Variants in PKP4 observed in about 807,000 individuals in gnomAD.
PKP4 encodes the protein plakophilin 4.
A neutral mutation model predicts 145.1 loss-of-function variants in PKP4; 90 were observed. The observed-to-expected ratio is 0.62, with a 90% CI of 0.52 to 0.74. The LOEUF (loss-of-function observed/expected upper bound fraction) is 0.74. Among genes scored for constraint, PKP4 ranks in the 30% least tolerant of loss-of-function variants. PKP4 has a pLI of 0.00. For synonymous variants in PKP4, 563 were observed against 577.2 expected (o/e 0.98, Z 0.35); for missense variants, 1,340 against 1,482.7 (o/e 0.90, Z 1.58).
chr2:158,626,202 G>A (rs987402704), intron 7 of PKP4, among the ~76,000 whole-genome samples: 1 of 152,194 alleles, frequency 6.6e-6, no homozygotes, highest in African/African-American at 2.4e-5. Flanking sequence ...CATCACAGTT[G>A]ATGTGGCTTT....
chr2:158,550,167 AAAAATGTT>A (rs2045492169), intron 2 of PKP4, among the ~76,000 whole-genome samples: 1 of 152,250 alleles, frequency 6.6e-6, no homozygotes, highest in Non-Finnish European at 1.5e-5. Flanking sequence ...ATTAATGTGG[AAAAATGTT>A]GCTTCAAACA....
intron 2 of PKP4, among the ~76,000 whole-genome samples, chr2:158,546,149 A>G (rs959801286): frequency 1.3e-5 from 2 of 152,204 alleles, no homozygotes; most frequent in Non-Finnish European, 2.9e-5. Flanking sequence ...TAGTTAAGTA[A>G]AGAATTTTAG....
chr2:158,647,172 A>G (rs1479115080), intron 11 of PKP4, among the ~76,000 whole-genome samples: 3 of 152,160 alleles, frequency 2.0e-5, no homozygotes, highest in Admixed American at 1.3e-4. Context: ...TTAGCCTTAG[A>G]TTTTAGTGTT....
intron 3 of PKP4, among the ~76,000 whole-genome samples, chr2:158,601,519 C>T (rs1006183152): frequency 5.9e-5 from 9 of 152,152 alleles, no homozygotes; most frequent in African/African-American, 2.2e-4. Context: ...ACAGTGATGG[C>T]CTACCCTTAG....
chr2:158,610,657 TC>T (rs1160964553), intron 4 of PKP4, among the ~76,000 whole-genome samples: 4 of 152,018 alleles, frequency 2.6e-5, no homozygotes, highest in African/African-American at 4.8e-5. Context: ...GTTACTTAGG[TC>T]CCCCAGTCAC....
At chr2:158,590,723 T>C (rs146368451) in intron 3 of PKP4, among the ~76,000 whole-genome samples, 76 of 152,294 alleles carry the variant, frequency 5.0e-4, no homozygotes, top group African/African-American at 1.7e-3. Flanking sequence ...TGAAGTAGTT[T>C]AATCAGAATA....
At chr2:158,624,372 A>G (rs375149960) in intron 6 of PKP4, among the ~76,000 whole-genome samples, 17 of 152,242 alleles carry the variant, frequency 1.1e-4, no homozygotes, top group African/African-American at 4.1e-4. Flanking sequence ...CCAACCCATA[A>G]AGAAAAACAA....
At chr2:158,655,853 G>A (rs1331208214) in intron 11 of PKP4, among the ~76,000 whole-genome samples, 4 of 152,230 alleles carry the variant, frequency 2.6e-5, no homozygotes, top group Non-Finnish European at 5.9e-5. Context: ...TCAGGGCCCA[G>A]CGTGACTATG....
rs908779153 is a variant in PKP4, at chr2:158,525,991, A to G, written c.-5-7189A>G. ...AGGAGCTGAAATTGTGGCAATAATC[A>G]ATAGTTTACCAACCAAAAAGAGTCC... On this transcript the variant is annotated intron_variant, in intron 1 of 21. Coordinates refer to ENST00000389759, the MANE Select transcript of PKP4 (RefSeq NM_003628.6). Among the ~76,000 whole-genome samples, 383 of 151,408 alleles carry G rather than the reference A, an allele frequency of 2.5e-3. 1 individual carries two copies. The highest frequency in any genetic ancestry group is 9.0e-3 in the African/African-American group (373 of 41,280).
At chr2:158,481,939 T>C (rs1693418721) in intron 1 of PKP4, among the ~76,000 whole-genome samples, 1 of 152,236 alleles carries the variant, frequency 6.6e-6, no homozygotes. Context: ...AACTTTAGTG[T>C]CTGATTTTAA....
At chr2:158,674,113 C>A in intron 19 of PKP4, 113 bp downstream of exon 19, 1 of 760,894 alleles carries the variant, frequency 1.3e-6, no homozygotes, top group South Asian at 1.4e-5. Flanking sequence ...CAACACTACC[C>A]ATGCAGCAGA....
intron 4 of PKP4, among the ~76,000 whole-genome samples, chr2:158,619,721 G>A (rs1170090080): frequency 6.6e-6 from 1 of 152,134 alleles, no homozygotes; most frequent in Non-Finnish European, 1.5e-5. Flanking sequence ...AATATTTACT[G>A]AGCACCTACT....
At chr2:158,554,549 CCGAG>C (rs2045923168) in intron 2 of PKP4, among the ~76,000 whole-genome samples, 1 of 151,844 alleles carries the variant, frequency 6.6e-6, no homozygotes, top group Admixed American at 6.6e-5. Flanking sequence ...TCTCAGCCTC[CCGAG>C]TAGCTGGGAC....
At chr2:158,666,617 T>C in intron 16 of PKP4, 54 bp downstream of exon 16, 1 of 1,447,704 alleles carries the variant, frequency 6.9e-7, no homozygotes, top group Admixed American at 2.2e-5. Flanking sequence ...ACAAAATTCA[T>C]GAAACTCTTC....
intron 6 of PKP4, among the ~76,000 whole-genome samples, chr2:158,624,335 A>G (rs1311849218): frequency 6.6e-6 from 1 of 152,256 alleles, no homozygotes; most frequent in Non-Finnish European, 1.5e-5. Flanking sequence ...TCCACAATGA[A>G]AGAACATGTT....
intron 2 of PKP4, among the ~76,000 whole-genome samples, chr2:158,551,745 A>G (rs2045643754): frequency 6.6e-6 from 1 of 152,244 alleles, no homozygotes; most frequent in South Asian, 2.1e-4. Flanking sequence ...TTATGTTTAA[A>G]AGTTAATTAT....
intron 2 of PKP4, among the ~76,000 whole-genome samples, chr2:158,555,586 A>G (rs944625635): frequency 6.6e-6 from 1 of 152,224 alleles, no homozygotes. Flanking sequence ...AACACAATTT[A>G]TACCCAAGTG....
At chr2:158,662,744 C>G in intron 13 of PKP4, 153 bp from the exon 14 acceptor site, 1 of 600,244 alleles carries the variant, frequency 1.7e-6, no homozygotes, top group Non-Finnish European at 2.8e-6. Context: ...ACTCTAGAAT[C>G]ATAATTCTCT....
intron 2 of PKP4, among the ~76,000 whole-genome samples, chr2:158,546,766 G>C (rs977081272): frequency 1.3e-5 from 2 of 152,174 alleles, no homozygotes; most frequent in South Asian, 2.1e-4. Flanking sequence ...TACGAAACCA[G>C]GCCTGGTGCA....
Sources: gnomAD v4.1 joint callset for allele counts (sites outside exome capture counted in the v4.1 genomes callset) on GRCh38, gnomAD v4.1.1 for gene constraint, MANE v1.5 for transcripts, NCBI Gene and HGNC (gene_info 2026-07-23, HGNC 2026-07-21) for gene names.